Variants in TRMT2A observed in about 807,000 individuals in gnomAD.
The protein encoded by TRMT2A is tRNA (uracil-5-)-methyltransferase homolog A.
A neutral mutation model predicts 59.3 loss-of-function variants in TRMT2A; 60 were observed. That is an observed-to-expected ratio of 1.01 (90% confidence interval 0.82 to 1.26). The LOEUF is 1.26. Ranked by LOEUF, TRMT2A falls within the 50% of genes most tolerant of loss-of-function variation. TRMT2A has a pLI of 0.00. For synonymous variants in TRMT2A, 403 were observed against 353.7 expected, an observed-to-expected ratio of 1.14 and a Z score of -1.56; for missense variants, 863 against 845.2, an observed-to-expected ratio of 1.02 and a Z score of -0.26.
Position 20,112,407 on chromosome 22 carries a change from C to T in TRMT2A, c.*156G>A. The T allele has an allele frequency of 3.0e-6, 3 of 999,874 alleles. No homozygotes were observed. Among genetic ancestry groups the T allele is most frequent in the African/African-American group, 1.6e-5 (1 of 61,038 alleles). The allele number at this position is 999,874 out of a possible 1,614,324, so 61.9% of individuals were successfully genotyped here. A position where few individuals can be genotyped will look rare whatever the true frequency, so the allele number is the denominator to read the frequency against. On this transcript the variant is annotated 3_prime_UTR_variant, in exon 12 of 12. Coordinates refer to ENST00000252136, the MANE Select transcript of TRMT2A (RefSeq NM_022727.6). Reference sequence around the variant, plus strand: ...AACCCACCTGTCTTCCTGGTCAGGGCCCCTGGCCCCTAGCAGCAGGCCAAT... The same window carrying T: ...AACCCACCTGTCTTCCTGGTCAGGGTCCCTGGCCCCTAGCAGCAGGCCAAT...
chr22:20,113,399 A>AACC, intron 9 of TRMT2A, 33 bp downstream of exon 9: 6 of 713,630 alleles, frequency 8.4e-6, no homozygotes, highest in African/African-American at 1.8e-5. Flanking sequence ...GGCTGCCCCC[A>AACC]TCCCCACCCC....
In TRMT2A at chr22:20,113,416, C is replaced by CCCCCCA; in HGVS notation, c.1432+15_1432+16insTGGGGG. On this transcript the variant is annotated intron_variant, in intron 9 of 11. Coordinates refer to ENST00000252136, the MANE Select transcript of TRMT2A (RefSeq NM_022727.6). ...CTGCCCCCATCCCCACCCCCACCCA[C>CCCCCCA]GGCCTTGCCACTCACCATTGTCCTG... 2 of 1,588,106 alleles carry CCCCCCA rather than the reference C, an allele frequency of 1.3e-6. No homozygotes were observed. Among genetic ancestry groups the CCCCCCA allele is most frequent in the Non-Finnish European group, 1.7e-6 (2 of 1,166,082 alleles).
chr22:20,113,818 G>A lies in TRMT2A; in HGVS notation c.1234-10C>T. On this transcript the variant is annotated splice_polypyrimidine_tract_variant and intron_variant, in intron 7 of 11. Coordinates refer to ENST00000252136, the MANE Select transcript of TRMT2A (RefSeq NM_022727.6). ...CTGCGGGTGTGTTCACCTGGGGGCAGGCGGTGCCCAGGATGTCAGTGGCTC... is the reference window on the plus strand; with the variant it reads ...CTGCGGGTGTGTTCACCTGGGGGCAAGCGGTGCCCAGGATGTCAGTGGCTC... 1.9e-6 allele frequency: 3 copies of A among 1,551,264 alleles called. No homozygotes were observed. The highest frequency in any genetic ancestry group is 2.6e-6 in the Non-Finnish European group (3 of 1,147,322).
rs372915533 is a variant in TRMT2A at position 20,112,557 on chromosome 22, C to T, written c.*6G>A. ...TCAGCTCCTGTCCCCATAATGGGTC[C>T]TGGGCCTAGGATGAGGGGAAGGTCC... On this transcript the variant is annotated 3_prime_UTR_variant, in exon 12 of 12. Coordinates refer to ENST00000252136, the MANE Select transcript of TRMT2A (RefSeq NM_022727.6). The T allele has an allele frequency of 1.2e-6, 2 of 1,613,512 alleles. No homozygotes were observed. The highest frequency in any genetic ancestry group is 1.7e-5 in the Admixed American group (1 of 60,008).
chr22:20,116,831 CG>C, intron 1 of TRMT2A, 51 bp downstream of exon 1: 23 of 1,523,466 alleles, frequency 1.5e-5, no homozygotes, highest in Non-Finnish European at 1.9e-5. Flanking sequence ...TGACCCACCC[CG>C]CCTCCTCCCA....
Position 20,117,024 on chromosome 22 carries a change from C to G in TRMT2A, c.-118G>C. ...AAGGGAAGTGCTCAGAGGGGAGGTG[C>G]TCACAGAGCCGGTGCAACGCCGCGA... On this transcript the variant is annotated 5_prime_UTR_variant, in exon 1 of 12. Transcript: ENST00000252136. 1 of 1,356,354 alleles carries G rather than the reference C, an allele frequency of 7.4e-7. No individual in the cohort carries two copies. The highest frequency in any genetic ancestry group is 1.3e-5 in the South Asian group (1 of 76,090). The allele number at this position is 1,356,354 out of a possible 1,614,324, so 84.0% of individuals were successfully genotyped here.
At position 20,115,903 on chromosome 22, in the gene TRMT2A, G is replaced by A. The variant is rs2049999380; in HGVS notation, c.600-123C>T. 7 of 1,371,878 alleles carry A rather than the reference G, an allele frequency of 5.1e-6. No homozygotes were observed. The East Asian group carries it at 1.4e-4, about 28-fold the overall frequency. 85.0% of individuals were successfully genotyped at this position (1,371,878 alleles called of 1,614,324 possible). ...GATGTCATTGTGCCCACTGTGACGT[G>A]GGTGTCTTGCTGGCTAGCTCCCAAA... On this transcript the variant is annotated intron_variant, in intron 2 of 11. Coordinates refer to ENST00000252136, the MANE Select transcript of TRMT2A (RefSeq NM_022727.6).
rs764028453 is a variant in TRMT2A, at chr22:20,116,316, C to T, written c.321G>A (p.Gly107=). 22 of 1,612,834 alleles carry T rather than the reference C, an allele frequency of 1.4e-5. No homozygotes were observed. The South Asian group carries it at 2.2e-4, about 16-fold the overall frequency. ...GLQPHKTKLF[G]QPPCAFVTFR... ...ATGTCACAAAGGCGCAGGGTGGTTG[C>T]CCAAAGAGTTTGGTTTTGTGGGGCT... The change falls in exon 2 of 12, where the codon GGG becomes GGA. Residue 107 remains glycine, a synonymous_variant. Coordinates refer to ENST00000252136, the MANE Select transcript of TRMT2A (RefSeq NM_022727.6).
chr22:20,113,291 G>T, intron 9 of TRMT2A, 57 bp from the exon 10 acceptor site: 1 of 1,515,516 alleles, frequency 6.6e-7, no homozygotes, highest in Non-Finnish European at 8.9e-7. Context: ...AGCAGGGCCA[G>T]CCCTGGGGAA....
Position 20,112,325 on chromosome 22 carries a change from G to A in TRMT2A, c.*238C>T. On this transcript the variant is annotated 3_prime_UTR_variant, in exon 12 of 12. Transcript: ENST00000252136. ...CTTTGTTGAGCAGTTGTTTATTCTGGCCCTCACAGCCTTGGCTAGTCCACA... is the reference window on the plus strand; with the variant it reads ...CTTTGTTGAGCAGTTGTTTATTCTGACCCTCACAGCCTTGGCTAGTCCACA... 3 of 565,498 alleles carry A rather than the reference G, an allele frequency of 5.3e-6. No individual in the cohort carries two copies. Among genetic ancestry groups the A allele is most frequent in the South Asian group, 5.1e-5 (2 of 39,540 alleles). 35.0% of individuals were successfully genotyped at this position (565,498 alleles called of 1,614,324 possible). A position where few individuals can be genotyped will look rare whatever the true frequency, so the allele number is the denominator to read the frequency against.
rs1449407661 is a variant in TRMT2A, at chr22:20,112,895, C to T, written c.1646+16G>A. Reference sequence around the variant, plus strand: ...TAGCAGGCCTAGCCCCCACCCAGGCCCCTGCAGACACTCACTCCACAAAGT... The same window carrying T: ...TAGCAGGCCTAGCCCCCACCCAGGCTCCTGCAGACACTCACTCCACAAAGT... On this transcript the variant is annotated intron_variant, in intron 11 of 11. Transcript: ENST00000252136. 2.5e-6 allele frequency: 4 copies of T among 1,613,372 alleles called. No individual in the cohort carries two copies. Among genetic ancestry groups the T allele is most frequent in the Non-Finnish European group, 3.4e-6 (4 of 1,179,986 alleles).
intron 4 of TRMT2A, 54 bp downstream of exon 4, chr22:20,115,212 C>A: frequency 6.3e-7 from 1 of 1,588,574 alleles, no homozygotes; most frequent in Non-Finnish European, 8.6e-7. Flanking sequence ...GGATCACCAC[C>A]CTCTGCTCCC....
chr22:20,114,912 G>T (rs1463048097), intron 5 of TRMT2A, 36 bp from the exon 6 acceptor site: 1 of 1,569,564 alleles, frequency 6.4e-7, no homozygotes, highest in African/African-American at 1.4e-5. Flanking sequence ...ATCAGGCTGT[G>T]CTGAGGCCCA....
At position 20,112,555 on chromosome 22, in the gene TRMT2A, T is replaced by C. The variant is rs1297450225; in HGVS notation, c.*8A>G. 3.1e-6 allele frequency: 5 copies of C among 1,613,404 alleles called. No individual in the cohort carries two copies. Among genetic ancestry groups the C allele is most frequent in the Non-Finnish European group, 4.2e-6 (5 of 1,179,888 alleles). On this transcript the variant is annotated 3_prime_UTR_variant, in exon 12 of 12. Transcript: ENST00000252136. Reference sequence around the variant, plus strand: ...CTTCAGCTCCTGTCCCCATAATGGGTCCTGGGCCTAGGATGAGGGGAAGGT... The same window carrying C: ...CTTCAGCTCCTGTCCCCATAATGGGCCCTGGGCCTAGGATGAGGGGAAGGT...
At position 20,113,803 on chromosome 22, in the gene TRMT2A, G is replaced by A; in HGVS notation, c.1239C>T (p.Asn413=). The A allele has an allele frequency of 6.4e-7, 1 of 1,570,570 alleles. No homozygotes were observed. The highest frequency in any genetic ancestry group is 8.6e-7 in the Non-Finnish European group (1 of 1,156,568). Residue 413 remains asparagine (N), a synonymous_variant, in exon 8 of 12, where the codon AAC becomes AAT. Coordinates refer to ENST00000252136, the MANE Select transcript of TRMT2A (RefSeq NM_022727.6). The part of the protein sequence containing the change: ...RISPHAFFQV[N]TPAAEVLYTV... ...TGTAGAGCACCTCGGCTGCGGGTGT[G>A]TTCACCTGGGGGCAGGCGGTGCCCA...
intron 7 of TRMT2A, 89 bp downstream of exon 7, chr22:20,114,485 C>A: frequency 9.0e-7 from 1 of 1,108,536 alleles, no homozygotes. Flanking sequence ...CCAAATCTCA[C>A]CGCCTGAGCC....
At chr22:20,113,393 G>GCGCCCCTGC in intron 9 of TRMT2A, 39 bp downstream of exon 9, 1 of 1,556,262 alleles carries the variant, frequency 6.4e-7, no homozygotes, top group Non-Finnish European at 8.8e-7. Context: ...GGTGGCGGCT[G>GCGCCCCTGC]CCCCCATCCC....
chr22:20,115,085 G>T lies in TRMT2A; in HGVS notation c.891-6C>A. On this transcript the variant is annotated splice_polypyrimidine_tract_variant and splice_region_variant and intron_variant, in intron 4 of 11. Transcript: ENST00000252136. The stretch of plus-strand genomic sequence containing the variant: ...ATGCCGAGTATGGAGTGGACCTGTG[G>T]GAATCACGAGCTGGCCCAAGTGCCC... 1 of 1,585,168 alleles carries T rather than the reference G, an allele frequency of 6.3e-7. No homozygotes were observed.
rs2049872742 is a variant in TRMT2A, at chr22:20,112,505, C to T, written c.*58G>A. The T allele has an allele frequency of 1.3e-6, 2 of 1,562,554 alleles. No individual in the cohort carries two copies. The highest frequency in any genetic ancestry group is 1.7e-6 in the Non-Finnish European group (2 of 1,152,578). On this transcript the variant is annotated 3_prime_UTR_variant, in exon 12 of 12. Transcript: ENST00000252136. ...TATCCTGGCCAGCAAGCCATGCCTT[C>T]CCCGCCCCTGGGGCCCTGGGAGCCC...
Sources: gnomAD v4.1 joint callset for allele counts on GRCh38, gnomAD v4.1.1 for gene constraint, MANE v1.5 for transcripts, NCBI Gene and HGNC (gene_info 2026-07-23, HGNC 2026-07-21) for gene names.